Variants in NDST4 observed in about 807,000 individuals in gnomAD.
NDST4 encodes the protein N-heparan sulfate sulfotransferase 4.
A neutral mutation model predicts 100.8 loss-of-function variants in NDST4; 63 were observed. The observed-to-expected ratio is 0.62, with a 90% CI of 0.51 to 0.77. The LOEUF is 0.77. Ranked by LOEUF, NDST4 falls within the 30% of genes least tolerant of loss-of-function variation. NDST4 has a pLI of 0.00. For synonymous variants in NDST4, 377 were observed against 361.8 expected (o/e 1.04, Z -0.48); for missense variants, 943 against 1,018.4 (o/e 0.93, Z 1.01).
At chr4:114,989,234 G>C (rs1726983571) in intron 2 of NDST4, among the ~76,000 whole-genome samples, 1 of 152,136 alleles carries the variant, frequency 6.6e-6, no homozygotes, top group African/African-American at 2.4e-5. Flanking sequence ...ACATTTTCCA[G>C]TACAGCTCTC....
intron 6 of NDST4, among the ~76,000 whole-genome samples, chr4:114,907,447 C>A (rs984406780): frequency 1.6e-4 from 24 of 152,078 alleles, no homozygotes; most frequent in African/African-American, 5.3e-4. Context: ...TACCTTAATA[C>A]ATGCAAAAAA....
Position 115,059,618 on chromosome 4 carries a change from T to G in NDST4, c.978+16441A>C, listed in dbSNP as rs1031424676. ...TTAAAAAATTCTTCTAGAGACATTT[T>G]TTCATACAGACCATCTATCTTTTAA... On this transcript the variant is annotated intron_variant, in intron 2 of 13. Coordinates refer to ENST00000264363, the MANE Select transcript of NDST4 (RefSeq NM_022569.3). Among the ~76,000 whole-genome samples, 4 of 152,064 alleles carry G rather than the reference T, an allele frequency of 2.6e-5. 1 individual carries two copies. The South Asian group carries it at 8.3e-4, about 31-fold the overall frequency.
At chr4:114,952,909 C>T (rs1365980779) in intron 4 of NDST4, among the ~76,000 whole-genome samples, 1 of 151,912 alleles carries the variant, frequency 6.6e-6, no homozygotes. Flanking sequence ...AGTTTTTCAA[C>T]AATTACTCAT....
intron 4 of NDST4, among the ~76,000 whole-genome samples, chr4:114,941,073 C>A (rs942566368): frequency 3.9e-5 from 6 of 152,306 alleles, no homozygotes; most frequent in African/African-American, 1.4e-4. Context: ...TGTTGGGAAC[C>A]TCCCTCTTCT....
At chr4:114,997,221 T>C (rs1357399286) in intron 2 of NDST4, among the ~76,000 whole-genome samples, 2 of 152,106 alleles carry the variant, frequency 1.3e-5, no homozygotes, top group Non-Finnish European at 2.9e-5. Flanking sequence ...TCCCACTAAC[T>C]AGTCCTCTTA....
At chr4:114,900,411 A>G (rs1724810775) in intron 6 of NDST4, among the ~76,000 whole-genome samples, 1 of 150,604 alleles carries the variant, frequency 6.6e-6, no homozygotes, top group Non-Finnish European at 1.5e-5. Context: ...TTGATTCTAG[A>G]TCATTTTTTT....
intron 2 of NDST4, among the ~76,000 whole-genome samples, chr4:115,058,428 C>CATTA (rs990426005): frequency 6.6e-6 from 1 of 152,100 alleles, no homozygotes; most frequent in Non-Finnish European, 1.5e-5. Flanking sequence ...TCAAGTTAAT[C>CATTA]ATTATATTGA....
chr4:114,838,110 CA>C (rs1393847989), intron 11 of NDST4, among the ~76,000 whole-genome samples: 2 of 152,100 alleles, frequency 1.3e-5, no homozygotes, highest in Non-Finnish European at 2.9e-5. Flanking sequence ...AAATCAAAAC[CA>C]CAATGAGATA....
chr4:114,867,665 C>CAAAAAAAAAAAAAAAAAAAG, intron 7 of NDST4, among the ~76,000 whole-genome samples: 2 of 79,900 alleles, frequency 2.5e-5, no homozygotes, highest in African/African-American at 4.9e-5. Flanking sequence ...AAAAAAAAAG[C>CAAAAAAAAAAAAAAAAAAAG]AAAAAAAAAA....
At chr4:114,997,459 T>G (rs918488555) in intron 2 of NDST4, among the ~76,000 whole-genome samples, 1 of 152,112 alleles carries the variant, frequency 6.6e-6, no homozygotes, top group Non-Finnish European at 1.5e-5. Context: ...AGTATGAAAC[T>G]TATCACTGTT....
intron 8 of NDST4, among the ~76,000 whole-genome samples, chr4:114,850,822 A>G (rs538411645): frequency 1.3e-5 from 2 of 152,294 alleles, no homozygotes; most frequent in South Asian, 4.1e-4. Context: ...TTACATTGAC[A>G]ATACCAGAAT....
At chr4:114,927,718 A>C (rs1725414161) in intron 6 of NDST4, among the ~76,000 whole-genome samples, 1 of 152,178 alleles carries the variant, frequency 6.6e-6, no homozygotes, top group African/African-American at 2.4e-5. Flanking sequence ...AATCATTTTC[A>C]AAACCACAGA....
Position 114,999,203 on chromosome 4 carries a change from T to C in NDST4, c.979-21929A>G, listed in dbSNP as rs539301933. ...TGAATGCCTATAGGTTTGGCTTCCA[T>C]AGGAATTAGCAGGTAATAGAACAGC... is the stretch of plus-strand genomic sequence containing the variant. On this transcript the variant is annotated intron_variant, in intron 2 of 13. Coordinates refer to ENST00000264363, the MANE Select transcript of NDST4 (RefSeq NM_022569.3). 4.6e-5 allele frequency among the ~76,000 whole-genome samples: 7 copies of C among 152,172 alleles called. No individual in the cohort carries two copies. The South Asian group carries it at 1.5e-3, about 32-fold the overall frequency.
chr4:114,883,662 A>G (rs774986221), intron 6 of NDST4, among the ~76,000 whole-genome samples: 8 of 152,262 alleles, frequency 5.3e-5, no homozygotes, highest in South Asian at 2.1e-4. Context: ...CAAGACCCAG[A>G]TATTTGTTGT....
intron 6 of NDST4, among the ~76,000 whole-genome samples, chr4:114,883,856 C>T (rs548195926): frequency 6.6e-6 from 1 of 152,090 alleles, no homozygotes; most frequent in African/African-American, 2.4e-5. Flanking sequence ...CTTGCATGCG[C>T]AGTTCACAAT....
chr4:114,883,732 T>C (rs894815921), intron 6 of NDST4, among the ~76,000 whole-genome samples: 2 of 152,062 alleles, frequency 1.3e-5, no homozygotes, highest in African/African-American at 4.8e-5. Flanking sequence ...TTTTGACAAT[T>C]TTTTCATGGA....
chr4:114,836,844 T>C (rs1271602487), intron 11 of NDST4, among the ~76,000 whole-genome samples: 4 of 152,172 alleles, frequency 2.6e-5, no homozygotes, highest in Non-Finnish European at 5.9e-5. Flanking sequence ...TAATCTTGTC[T>C]TCATACCTTA....
chr4:115,006,031 C>CAAAAAAAAAAA (rs33988343), intron 2 of NDST4, among the ~76,000 whole-genome samples: 5 of 99,456 alleles, frequency 5.0e-5, no homozygotes, highest in African/African-American at 1.1e-4. Context: ...GACTCTATCT[C>CAAAAAAAAAAA]AAAAAAAAAA....
intron 6 of NDST4, among the ~76,000 whole-genome samples, chr4:114,916,284 G>T (rs927211194): frequency 6.6e-6 from 1 of 152,054 alleles, no homozygotes; most frequent in Non-Finnish European, 1.5e-5. Context: ...ATTCCCTTAT[G>T]TAAGTGCCCC....
Sources: allele counts gnomAD v4.1 joint callset (sites outside exome capture counted in the v4.1 genomes callset), GRCh38; gene constraint gnomAD v4.1.1; transcripts MANE v1.5; gene names NCBI Gene and HGNC (gene_info 2026-07-23, HGNC 2026-07-21).